Variants in PPARGC1B observed in about 807,000 individuals in gnomAD.
PPARGC1B encodes the protein peroxisome proliferator-activated receptor gamma coactivator 1-beta.
In PPARGC1B, 34 loss-of-function variants were observed where a neutral mutation model predicts 101.6. That is an observed-to-expected ratio of 0.33 (90% CI 0.25 to 0.45). PPARGC1B has a LOEUF of 0.45. PPARGC1B is among the 20% of genes least tolerant of loss of function. The pLI is 1.00. For missense variants in PPARGC1B, 1,234 were observed against 1,317.6 expected, an observed-to-expected ratio of 0.94 and a Z score of 0.98; for synonymous variants, 548 against 539.3, an observed-to-expected ratio of 1.02 and a Z score of -0.22.
At chr5:149,799,693 G>GTTTTTTTTTTTTTTTTTTTTTTTTTTTTT (rs11371560) in intron 1 of PPARGC1B, among the ~76,000 whole-genome samples, 2 of 76,480 alleles carry the variant, frequency 2.6e-5, no homozygotes, top group African/African-American at 5.7e-5. Flanking sequence ...GCTTGTTGTT[G>GTTTTTTTTTTTTTTTTTTTTTTTTTTTTT]TTTTTTTTTT....
rs1759679988 is a variant in PPARGC1B, at chr5:149,849,084, TC to T, written c.*1527del. ...GATTTCTTTCATACATCAGGGTTCC[TC>T]GGGAAATTTTTGTATTTTTTTTTTA... On this transcript the variant is annotated 3_prime_UTR_variant, in exon 12 of 12. Transcript: ENST00000309241. 6.6e-6 allele frequency: 1 copy of T among 151,942 alleles called. No homozygotes were observed. The allele number at this position is 151,942 out of a possible 1,614,324, so 9.4% of individuals were successfully genotyped here. A position where few individuals can be genotyped will look rare whatever the true frequency, so the allele number is the denominator to read the frequency against.
chr5:149,805,258 G>A (rs1478011682), intron 1 of PPARGC1B, among the ~76,000 whole-genome samples: 1 of 152,216 alleles, frequency 6.6e-6, no homozygotes, highest in Non-Finnish European at 1.5e-5. Flanking sequence ...GACTTGGGGA[G>A]TGGTTTCTTA....
chr5:149,789,077 A>G (rs1296848565), intron 1 of PPARGC1B, among the ~76,000 whole-genome samples: 1 of 152,230 alleles, frequency 6.6e-6, no homozygotes, highest in Admixed American at 6.5e-5. Context: ...GAACTTAAGT[A>G]TAATAATTAA....
chr5:149,771,018 C>T (rs188228250), intron 1 of PPARGC1B, among the ~76,000 whole-genome samples: 28 of 152,240 alleles, frequency 1.8e-4, no homozygotes, highest in Non-Finnish European at 3.7e-4. Context: ...GGACCTCAGG[C>T]TTTGAAGGCC....
intron 6 of PPARGC1B, 74 bp from the exon 7 acceptor site, chr5:149,835,227 C>T: frequency 2.2e-6 from 3 of 1,374,768 alleles, no homozygotes; most frequent in Non-Finnish European, 3.1e-6. Flanking sequence ...TCCCTGCGAC[C>T]CTTTCATGGG....
At position 149,845,843 on chromosome 5, in the gene PPARGC1B, G is replaced by A. The variant is rs548606457; in HGVS notation, c.2900G>A (p.Arg967His). The A allele has an allele frequency of 1.2e-5, 20 of 1,614,220 alleles. No individual in the cohort carries two copies. The highest frequency in any genetic ancestry group is 8.9e-5 in the East Asian group (4 of 44,888). Residue 967 changes from arginine (R) to histidine (H), a missense_variant, in exon 11 of 12, where the codon CGC (arginine) becomes CAC (histidine). Arg to His is a conservative substitution (Grantham distance 29). Around this residue, in one of 3 missense-constraint regions of PPARGC1B, gnomAD observed 497 missense variants for 529.5 expected, o/e 0.94. Transcript: ENST00000309241. ...SLTKGAALRK[R>H]NEPSFQLSYG... ...ACAAAGGGCGCTGCCCTGAGGAAGC[G>A]CAACGAGCCCTCCTTCCAGCTGAGC...
intron 1 of PPARGC1B, among the ~76,000 whole-genome samples, chr5:149,774,313 T>G (rs1035699191): frequency 5.3e-5 from 8 of 152,192 alleles, no homozygotes; most frequent in African/African-American, 1.7e-4. Flanking sequence ...TGCTACTGAC[T>G]GTGTGCACTG....
chr5:149,836,595 C>T lies in PPARGC1B; in HGVS notation c.2140C>T (p.Pro714Ser), dbSNP rs1209567767. 6.2e-7 allele frequency: 1 copy of T among 1,613,812 alleles called. No homozygotes were observed. Among genetic ancestry groups the T allele is most frequent in the African/African-American group, 1.3e-5 (1 of 75,078 alleles). ...AAGGAAGGTGCTGAGGTCCTGGGAGCCGTCTGGGGTTCACCTTGAGGACTG... is the reference window on the plus strand; with the variant it reads ...AAGGAAGGTGCTGAGGTCCTGGGAGTCGTCTGGGGTTCACCTTGAGGACTG... ...LQRKVLRSWE[P>S]SGVHLEDWPQ... Residue 714 changes from proline (P) to serine (S), a missense_variant, in exon 8 of 12, where the codon CCG (proline) becomes TCG (serine). This residue lies in a region of PPARGC1B where 497 missense variants were observed against 529.5 expected (regional missense o/e 0.94). Transcript: ENST00000309241.
At chr5:149,830,678 C>T (rs1295729008) in intron 3 of PPARGC1B, 89 bp from the exon 4 acceptor site, 2 of 921,700 alleles carry the variant, frequency 2.2e-6, no homozygotes, top group East Asian at 2.4e-5. Flanking sequence ...CTGTGATGCC[C>T]AAGGTCAGTC....
intron 1 of PPARGC1B, among the ~76,000 whole-genome samples, chr5:149,774,103 A>G (rs967416485): frequency 6.6e-6 from 1 of 152,218 alleles, no homozygotes; most frequent in Non-Finnish European, 1.5e-5. Flanking sequence ...TCCCCCTTTC[A>G]GCTCTGACCT....
chr5:149,847,785 A>C lies in PPARGC1B; in HGVS notation c.*227A>C. 3.7e-6 allele frequency: 2 copies of C among 541,662 alleles called. No homozygotes were observed. Among genetic ancestry groups the C allele is most frequent in the Non-Finnish European group, 6.6e-6 (2 of 304,340 alleles). 33.6% of individuals were successfully genotyped at this position (541,662 alleles called of 1,614,324 possible). A position where few individuals can be genotyped will look rare whatever the true frequency, so the allele number is the denominator to read the frequency against. On this transcript the variant is annotated 3_prime_UTR_variant, in exon 12 of 12. Transcript: ENST00000309241. ...TCCATGGTGTTGACGTTCCACTGCCACATTAGTGTCCTCGCTTCCAACGGG... is the reference window on the plus strand; with the variant it reads ...TCCATGGTGTTGACGTTCCACTGCCCCATTAGTGTCCTCGCTTCCAACGGG...
chr5:149,842,016 C>T (rs903769454), intron 9 of PPARGC1B, among the ~76,000 whole-genome samples: 5 of 152,200 alleles, frequency 3.3e-5, no homozygotes, highest in African/African-American at 1.2e-4. Context: ...AGTCTTTGCT[C>T]ATTTCCTTCA....
chr5:149,833,920 C>T lies in PPARGC1B; in HGVS notation c.1705+142C>T. ...GGGTTTGGACAAGTCCCTTCCCCTCCCTGGCTTTCAGCTTTTCTTTGGGCT... is the reference window on the plus strand; with the variant it reads ...GGGTTTGGACAAGTCCCTTCCCCTCTCTGGCTTTCAGCTTTTCTTTGGGCT... On this transcript the variant is annotated intron_variant, in intron 5 of 11. Transcript: ENST00000309241. The surrounding 1 kb of genome is among the most constrained non-coding windows in gnomAD (Gnocchi z 4.1). 7.9e-7 allele frequency: 1 copy of T among 1,268,906 alleles called. No homozygotes were observed. The highest frequency in any genetic ancestry group is 2.5e-5 in the South Asian group (1 of 39,496). The allele number at this position is 1,268,906 out of a possible 1,614,324, so 78.6% of individuals were successfully genotyped here. A position where few individuals can be genotyped will look rare whatever the true frequency, so the allele number is the denominator to read the frequency against.
intron 1 of PPARGC1B, among the ~76,000 whole-genome samples, chr5:149,788,473 TGGTG>T (rs1756891614): frequency 6.6e-6 from 1 of 152,218 alleles, no homozygotes; most frequent in Admixed American, 6.5e-5. Flanking sequence ...TTTACACTGT[TGGTG>T]GGACTGTAAA....
chr5:149,777,452 G>T (rs567847883), intron 1 of PPARGC1B, among the ~76,000 whole-genome samples: 1 of 152,154 alleles, frequency 6.6e-6, no homozygotes, highest in East Asian at 2.0e-4. Context: ...CTGCCCGGTT[G>T]TGAGGCCTGG....
intron 1 of PPARGC1B, among the ~76,000 whole-genome samples, chr5:149,799,921 A>G (rs1757377176): frequency 6.6e-6 from 1 of 151,556 alleles, no homozygotes; most frequent in Non-Finnish European, 1.5e-5. Context: ...TTGGTCTCGA[A>G]CTCCTGACCT....
rs138411871 is a variant in PPARGC1B at position 149,839,808 on chromosome 5, G to A, written c.2619-233G>A. Among the ~76,000 whole-genome samples, 474 of 152,302 alleles carry A rather than the reference G, an allele frequency of 3.1e-3. 1 individual carries two copies. The highest frequency in any genetic ancestry group is 5.4e-3 in the Non-Finnish European group (370 of 68,034). On this transcript the variant is annotated intron_variant, in intron 8 of 11. Coordinates refer to ENST00000309241, the MANE Select transcript of PPARGC1B (RefSeq NM_133263.4). ...ATAATGAGCAACACAGTGGTTCCCG[G>A]TGATCCAGTCCGGAAGCTGGCAGTA...
intron 1 of PPARGC1B, among the ~76,000 whole-genome samples, chr5:149,777,935 C>CACACACACAG (rs1554076038): frequency 2.9e-5 from 2 of 68,222 alleles, no homozygotes; most frequent in African/African-American, 9.8e-5. Flanking sequence ...CACACACACA[C>CACACACACAG]ACACACACAC....
chr5:149,799,693 G>GTTTTTGTT (rs1757363943), intron 1 of PPARGC1B, among the ~76,000 whole-genome samples: 1 of 76,480 alleles, frequency 1.3e-5, no homozygotes, highest in Non-Finnish European at 2.2e-5. Flanking sequence ...GCTTGTTGTT[G>GTTTTTGTT]TTTTTTTTTT....
Sources: allele counts gnomAD v4.1 joint callset (sites outside exome capture counted in the v4.1 genomes callset), GRCh38; gene constraint gnomAD v4.1.1; regional missense constraint gnomAD v4.1.1; non-coding constraint Gnocchi (gnomAD v3.1); transcripts MANE v1.5; gene names NCBI Gene and HGNC (gene_info 2026-07-23, HGNC 2026-07-21).